Variants in SLC25A48 observed in about 807,000 individuals in gnomAD.
SLC25A48 encodes solute carrier family 25 member 48, also known as CTC-321K16.1.
A neutral mutation model predicts 32.2 loss-of-function variants in SLC25A48; 29 were observed. The observed-to-expected ratio is 0.90, with a 90% CI of 0.67 to 1.23. The LOEUF is 1.23. Ranked by LOEUF, SLC25A48 falls within the 50% of genes most tolerant of loss-of-function variation. The pLI, the probability that SLC25A48 is intolerant of heterozygous loss-of-function variation, is 0.00. For missense variants in SLC25A48, 399 were observed against 422.7 expected, an observed-to-expected ratio of 0.94 and a Z score of 0.49; for synonymous variants, 164 against 172.3, an observed-to-expected ratio of 0.95 and a Z score of 0.38.
At chr5:135,722,448 C>T (rs910346905) in intron 3 of SLC25A48, among the ~76,000 whole-genome samples, 1 of 152,260 alleles carries the variant, frequency 6.6e-6, no homozygotes, top group Non-Finnish European at 1.5e-5. Context: ...TATTTGCCTG[C>T]GATTTTTATT....
chr5:135,794,779 C>T (rs1757125124), intron 3 of SLC25A48, among the ~76,000 whole-genome samples: 1 of 151,560 alleles, frequency 6.6e-6, no homozygotes, highest in Non-Finnish European at 1.5e-5. Context: ...GATAAAAATA[C>T]TCCCAATATT....
rs544162866 is a variant in SLC25A48, at chr5:135,852,674, T to C, written c.274T>C (p.Cys92Arg). 1.2e-5 allele frequency: 20 copies of C among 1,613,888 alleles called. No individual in the cohort carries two copies. In the African/African-American group the frequency reaches 2.4e-4, roughly 19 times the overall value. The change falls in exon 4 of 8, where the codon TGC (cysteine) becomes CGC (arginine). Residue 92 changes from cysteine (C) to arginine (R), a missense_variant. Physicochemically the swap from Cys to Arg is radical, Grantham distance 180. Coordinates refer to ENST00000681962, the MANE Select transcript of SLC25A48 (RefSeq NM_001349336.2). Reference sequence around the variant, plus strand: ...GCAGCGGTTCCTCAGCCAGCACCGCTGCGGGGAGCCAGAGGCCAGTCCTCC... The same window carrying C: ...GCAGCGGTTCCTCAGCCAGCACCGCCGCGGGGAGCCAGAGGCCAGTCCTCC... ...NTQRFLSQHR[C>R]GEPEASPPRT...
At chr5:135,838,739 C>T (rs112698871) in intron 1 of SLC25A48, among the ~76,000 whole-genome samples, 2 of 152,328 alleles carry the variant, frequency 1.3e-5, no homozygotes, top group African/African-American at 4.8e-5. Flanking sequence ...GGTGTTGAGC[C>T]TGTGGGTGGA....
At chr5:135,691,147 A>G (rs1754135010) in intron 3 of SLC25A48, among the ~76,000 whole-genome samples, 1 of 152,330 alleles carries the variant, frequency 6.6e-6, no homozygotes, top group East Asian at 1.9e-4. Flanking sequence ...TTCAGCCCAA[A>G]TTGGCAAGAA....
chr5:135,637,765 G>GTCA (rs1752738265), intron 3 of SLC25A48, among the ~76,000 whole-genome samples: 1 of 152,178 alleles, frequency 6.6e-6, no homozygotes, highest in Non-Finnish European at 1.5e-5. Context: ...TCAGCCTCCT[G>GTCA]TCATTTTTCG....
intron 3 of SLC25A48, among the ~76,000 whole-genome samples, chr5:135,737,081 C>T (rs1436915865): frequency 6.6e-6 from 1 of 152,206 alleles, no homozygotes; most frequent in Non-Finnish European, 1.5e-5. Context: ...CGAGTCACAG[C>T]ACCAAATTTC....
intron 1 of SLC25A48, among the ~76,000 whole-genome samples, chr5:135,611,472 CGGT>C (rs1201122277): frequency 4.4e-4 from 46 of 104,946 alleles, no homozygotes; most frequent in Non-Finnish European, 6.3e-4. Context: ...ACTCCAGACT[CGGT>C]GACAGAGCGA....
chr5:135,592,371 CTT>C (rs1751547692), intron 1 of SLC25A48, among the ~76,000 whole-genome samples: 1 of 152,144 alleles, frequency 6.6e-6, no homozygotes, highest in Admixed American at 6.6e-5. Flanking sequence ...AACATCTTGA[CTT>C]TGTTCTGTCT....
At chr5:135,874,417 G>A (rs554049250) in intron 6 of SLC25A48, among the ~76,000 whole-genome samples, 4 of 152,338 alleles carry the variant, frequency 2.6e-5, no homozygotes, top group Non-Finnish European at 4.4e-5. Flanking sequence ...CTGGTCCATG[G>A]TGGCGCCTGG....
intron 3 of SLC25A48, among the ~76,000 whole-genome samples, chr5:135,646,540 A>G (rs1385231560): frequency 6.6e-6 from 1 of 151,804 alleles, no homozygotes; most frequent in Non-Finnish European, 1.5e-5. Context: ...GTCTCCATAA[A>G]GTTTTTGGAA....
At chr5:135,662,256 C>T (rs1753421722) in intron 3 of SLC25A48, among the ~76,000 whole-genome samples, 1 of 152,228 alleles carries the variant, frequency 6.6e-6, no homozygotes, top group East Asian at 1.9e-4. Flanking sequence ...CCTAGTAACC[C>T]CCTGGCCAGG....
chr5:135,815,513 A>G (rs1315517095), intron 4 of SLC25A48, among the ~76,000 whole-genome samples: 1 of 152,226 alleles, frequency 6.6e-6, no homozygotes, highest in Non-Finnish European at 1.5e-5. Flanking sequence ...AGCTGCTTGC[A>G]GGTAAGGAAG....
intron 1 of SLC25A48, among the ~76,000 whole-genome samples, chr5:135,599,337 TGTCTGA>T (rs1751732832): frequency 6.6e-6 from 1 of 152,192 alleles, no homozygotes; most frequent in Admixed American, 6.5e-5. Context: ...CCTCCCAGGC[TGTCTGA>T]GTTGGCATCC....
chr5:135,824,758 C>G (rs1461077529), intron 4 of SLC25A48: 1 of 152,366 alleles, frequency 6.6e-6, no homozygotes, highest in Non-Finnish European at 1.5e-5. Flanking sequence ...GATCTGCCCA[C>G]TGAGAAGGAG....
rs572838107 is a variant in SLC25A48 at position 135,753,237 on chromosome 5, T to C, written c.-520-59286T>C. ...ACCCACTGTGATATTACCAGTAATG[T>C]CTTGAGGGTATATTATGCATAATAT... On this transcript the variant is annotated intron_variant, in intron 3 of 10. Coordinates refer to the SLC25A48 transcript ENST00000646290. 5.5e-4 allele frequency among the ~76,000 whole-genome samples: 84 copies of C among 152,176 alleles called. 1 individual carries two copies. The highest frequency in any genetic ancestry group is 3.4e-3 in the Middle Eastern group (1 of 294).
At chr5:135,728,242 C>T (rs1319946198) in intron 3 of SLC25A48, among the ~76,000 whole-genome samples, 4 of 123,262 alleles carry the variant, frequency 3.2e-5, no homozygotes, top group Middle Eastern at 4.2e-3. Flanking sequence ...GGTGACAGAT[C>T]GAGACTCTGT....
intron 1 of SLC25A48, among the ~76,000 whole-genome samples, chr5:135,615,325 CG>C (rs1752161068): frequency 6.6e-6 from 1 of 152,120 alleles, no homozygotes; most frequent in Non-Finnish European, 1.5e-5. Context: ...CAGTGAACAC[CG>C]GGCTGATTAG....
intron 3 of SLC25A48, among the ~76,000 whole-genome samples, chr5:135,795,842 C>A (rs1166733212): frequency 6.8e-6 from 1 of 146,714 alleles, no homozygotes; most frequent in East Asian, 2.1e-4. Context: ...GATATTACTC[C>A]CCATATCGCT....
At chr5:135,774,591 C>G (rs557071005) in intron 3 of SLC25A48, among the ~76,000 whole-genome samples, 1 of 151,792 alleles carries the variant, frequency 6.6e-6, no homozygotes, top group Admixed American at 6.6e-5. Context: ...TTATACACCC[C>G]TCTTCTGATA....
Sources: gnomAD v4.1 joint callset for allele counts (sites outside exome capture counted in the v4.1 genomes callset) on GRCh38, gnomAD v4.1.1 for gene constraint, MANE v1.5 for transcripts, NCBI Gene and HGNC (gene_info 2026-07-23, HGNC 2026-07-21) for gene names.